AGL: variants seen among roughly 807,000 people sequenced by gnomAD.
The protein encoded by AGL is glycogen debranching enzyme.
A neutral mutation model predicts 199.3 loss-of-function variants in AGL; 128 were observed. That is an observed-to-expected ratio of 0.64 (90% CI 0.56 to 0.74). The LOEUF (loss-of-function observed/expected upper bound fraction) is 0.74. Among genes scored for constraint, AGL ranks in the 30% least tolerant of loss-of-function variants. The pLI, the probability that AGL is intolerant of heterozygous loss-of-function variation, is 0.00. For missense variants in AGL, 1,809 were observed against 1,820.8 expected, an observed-to-expected ratio of 0.99 and a Z score of 0.12; for synonymous variants, 584 against 594.7, an observed-to-expected ratio of 0.98 and a Z score of 0.26.
intron 5 of AGL, among the ~76,000 whole-genome samples, chr1:99,867,106 A>G (rs533668400): frequency 3.3e-5 from 5 of 152,200 alleles, no homozygotes; most frequent in Admixed American, 3.3e-4. Context: ...GGCGTGAGCC[A>G]CTGTGCCCAG....
Position 99,864,589 on chromosome 1 carries a change from G to A in AGL, c.664G>A (p.Ala222Thr). 2 of 1,611,226 alleles carry A rather than the reference G, an allele frequency of 1.2e-6. No individual in the cohort carries two copies. The highest frequency in any genetic ancestry group is 1.7e-6 in the Non-Finnish European group (2 of 1,177,690). ...TACTGATGTTGTCTACAATCATACTGGTATGAGCTTCATTGACTGCCTTCA... is the reference window on the plus strand; with the variant it reads ...TACTGATGTTGTCTACAATCATACTAGTATGAGCTTCATTGACTGCCTTCA... ...CITDVVYNHT[A>T]ANSKWIQEHP... Residue 222 changes from alanine (A) to threonine (T), a missense_variant and splice_region_variant, in exon 5 of 34, where the codon GCT becomes ACT. Transcript: ENST00000361915.
At chr1:99,861,145 C>A in intron 2 of AGL, 1 of 1,139,484 alleles carries the variant, frequency 8.8e-7, no homozygotes, top group Non-Finnish European at 1.1e-6. Context: ...GAAGGTCTCT[C>A]CTCAGATGCC....
chr1:99,858,863 ATTAAG>A (rs1482213100), intron 2 of AGL, among the ~76,000 whole-genome samples: 3 of 151,928 alleles, frequency 2.0e-5, no homozygotes, highest in Admixed American at 6.6e-5. Context: ...ATCTTATCCC[ATTAAG>A]TTAACTTTTA....
intron 17 of AGL, 74 bp downstream of exon 17, chr1:99,881,765 A>T (rs1415859378): frequency 4.0e-5 from 50 of 1,260,302 alleles, no homozygotes; most frequent in Non-Finnish European, 4.9e-5. Flanking sequence ...TGTTATGGTT[A>T]TATATCATGT....
intron 21 of AGL, among the ~76,000 whole-genome samples, chr1:99,889,045 T>G (rs1362371054): frequency 6.6e-6 from 1 of 151,896 alleles, no homozygotes; most frequent in South Asian, 2.1e-4. Context: ...CTGGGTTACA[T>G]TGACTAGTTT....
At chr1:99,906,057 A>G (rs1267323291) in intron 27 of AGL, among the ~76,000 whole-genome samples, 3 of 152,178 alleles carry the variant, frequency 2.0e-5, no homozygotes, top group Admixed American at 1.3e-4. Context: ...CTTTAAGTAC[A>G]ATCACATTGT....
chr1:99,875,423 A>C lies in AGL; in HGVS notation c.1251A>C (p.Gly417=). 1 of 1,614,032 alleles carries C rather than the reference A, an allele frequency of 6.2e-7. No individual in the cohort carries two copies. The highest frequency in any genetic ancestry group is 2.2e-5 in the East Asian group (1 of 44,860). ...TGGCTGGCCATGGTCCAAAACTAGG[A>C]CCTGTCACTAGAAAGCATCCTTTAG... The part of the protein sequence containing the change: ...ERLAGHGPKL[G]PVTRKHPLVT... The change falls in exon 10 of 34, where the codon GGA becomes GGC. Residue 417 remains glycine, a synonymous_variant. Coordinates refer to ENST00000361915, the MANE Select transcript of AGL (RefSeq NM_000642.3).
chr1:99,901,763 G>T (rs555180732), intron 26 of AGL, among the ~76,000 whole-genome samples: 1 of 148,082 alleles, frequency 6.8e-6, no homozygotes, highest in South Asian at 2.1e-4. Flanking sequence ...TATATGATTG[G>T]GGGGGCTGGG....
chr1:99,877,681 A>T lies in AGL; in HGVS notation c.1464A>T (p.Gly488=), dbSNP rs1352547245. 6.2e-7 allele frequency: 1 copy of T among 1,613,944 alleles called. No homozygotes were observed. The highest frequency in any genetic ancestry group is 1.3e-5 in the African/African-American group (1 of 74,924). ...TAAGGAGAGAACTTATTTGCTGGGG[A>T]GACAGTGTTAAATTACGCTATGGGA... is the stretch of plus-strand genomic sequence containing the variant. ...VYLRRELICW[G]DSVKLRYGNK... is the part of the protein sequence containing the mutation. The change falls in exon 12 of 34, where the codon GGA becomes GGT. Residue 488 remains glycine, a synonymous_variant. Coordinates refer to ENST00000361915, the MANE Select transcript of AGL (RefSeq NM_000642.3).
At chr1:99,909,170 C>T (rs1654546113) in intron 27 of AGL, among the ~76,000 whole-genome samples, 1 of 151,978 alleles carries the variant, frequency 6.6e-6, no homozygotes, top group Non-Finnish European at 1.5e-5. Flanking sequence ...GGAGCACTGT[C>T]CCTAACGACC....
chr1:99,900,583 C>A, intron 25 of AGL, 53 bp from the exon 26 acceptor site: 3 of 1,540,378 alleles, frequency 1.9e-6, no homozygotes, highest in Admixed American at 3.3e-5. Context: ...TTTTTGTCTT[C>A]AATTTTTAAG....
At chr1:99,859,461 A>G (rs939126724) in intron 2 of AGL, among the ~76,000 whole-genome samples, 1 of 152,004 alleles carries the variant, frequency 6.6e-6, no homozygotes, top group African/African-American at 2.4e-5. Context: ...GCCTACTGCC[A>G]TGTTTCAGCC....
rs778624673 is a variant in AGL, at chr1:99,867,562, C to CT, written c.665-2827dup. ...TTCTTTTTTTTTAATTTTTTTTTCTCTTTTTTTTTTTGAGACGGAGTCTCC... is the reference window on the plus strand; with the variant it reads ...TTCTTTTTTTTTAATTTTTTTTTCTCTTTTTTTTTTTTGAGACGGAGTCTCC... On this transcript the variant is annotated intron_variant, in intron 5 of 33. Transcript: ENST00000361915. Among the ~76,000 whole-genome samples the CT allele has an allele frequency of 2.8e-3, 415 of 145,796 alleles. 3 individuals are homozygous for CT. Among genetic ancestry groups the CT allele is most frequent in the Non-Finnish European group, 4.3e-3 (281 of 65,878 alleles).
intron 4 of AGL, among the ~76,000 whole-genome samples, 179 bp from the exon 5 acceptor site, chr1:99,864,207 G>A (rs1571231868): frequency 6.6e-6 from 1 of 152,258 alleles, no homozygotes; most frequent in Middle Eastern, 3.4e-3. Context: ...AAATAAACTT[G>A]CTTAAAGTCT....
At chr1:99,863,665 G>A (rs1056371514) in intron 4 of AGL, among the ~76,000 whole-genome samples, 6 of 151,658 alleles carry the variant, frequency 4.0e-5, no homozygotes, top group Admixed American at 1.3e-4. Flanking sequence ...GTGTTAGGAT[G>A]GTCTCGATCT....
intron 2 of AGL, 118 bp downstream of exon 2, chr1:99,851,242 T>G: frequency 1.1e-6 from 1 of 924,162 alleles, no homozygotes; most frequent in East Asian, 2.5e-5. Context: ...GGTCTAAAAC[T>G]TGATTTGTGC....
At chr1:99,908,874 G>A (rs1482270875) in intron 27 of AGL, among the ~76,000 whole-genome samples, 1 of 152,052 alleles carries the variant, frequency 6.6e-6, no homozygotes, top group African/African-American at 2.4e-5. Context: ...TCATTCATGG[G>A]CTATCAGGAG....
chr1:99,886,991 C>T (rs1047366303), intron 20 of AGL, among the ~76,000 whole-genome samples: 1 of 152,116 alleles, frequency 6.6e-6, no homozygotes, highest in Non-Finnish European at 1.5e-5. Flanking sequence ...GGCAAGGAGT[C>T]CACTGGCTAT....
rs1194643076 is a variant in AGL, at chr1:99,877,789, T to A, written c.1572T>A (p.Arg524=). 1.2e-6 allele frequency: 2 copies of A among 1,614,040 alleles called. No homozygotes were observed. The highest frequency in any genetic ancestry group is 2.2e-5 in the East Asian group (1 of 44,836). ...CTGCAACTTATTTCCAGGGAGTACG[T>A]CTTGATAACTGCCACTCAACACCTC... ...EITATYFQGV[R]LDNCHSTPLH... Residue 524 remains arginine, a synonymous_variant, in exon 12 of 34, where the codon CGT becomes CGA. Coordinates refer to ENST00000361915, the MANE Select transcript of AGL (RefSeq NM_000642.3).
Sources: allele counts gnomAD v4.1 joint callset (sites outside exome capture counted in the v4.1 genomes callset), GRCh38; gene constraint gnomAD v4.1.1; transcripts MANE v1.5; gene names NCBI Gene and HGNC (gene_info 2026-07-23, HGNC 2026-07-21).